Variants in PSD3 observed in about 807,000 individuals in gnomAD.
The protein encoded by PSD3 is PH and SEC7 domain-containing protein 3.
In PSD3, 49 loss-of-function variants were observed where a neutral mutation model predicts 105.5. The ratio of observed to expected loss-of-function variants is 0.46; its 90% CI spans 0.37 to 0.59. The LOEUF is 0.59. Ranked by LOEUF, PSD3 falls within the 20% of genes least tolerant of loss-of-function variation. The probability of loss-of-function intolerance (pLI) is 0.00; values close to 1 mark genes in which losing one functional copy is unlikely to be tolerated. For missense variants in PSD3, 1,561 were observed against 1,263.8 expected, an observed-to-expected ratio of 1.24 and a Z score of -3.57; for synonymous variants, 557 against 457.8, an observed-to-expected ratio of 1.22 and a Z score of -2.77.
At chr8:18,559,970 G>T (rs1046055281) in intron 14 of PSD3, among the ~76,000 whole-genome samples, 5 of 152,144 alleles carry the variant, frequency 3.3e-5, no homozygotes, top group African/African-American at 1.2e-4. Flanking sequence ...GATGTTCAAT[G>T]AGAAATGCTT....
At chr8:18,746,012 C>T (rs1326119182) in intron 9 of PSD3, among the ~76,000 whole-genome samples, 1 of 152,238 alleles carries the variant, frequency 6.6e-6, no homozygotes, top group Non-Finnish European at 1.5e-5. Flanking sequence ...CAAAATCCTA[C>T]CTTCAGGCCA....
At chr8:19,018,807 T>C (rs79805738) in intron 1 of PSD3, among the ~76,000 whole-genome samples, 2,482 of 152,322 alleles carry the variant, frequency 0.016, 58 homozygotes, top group Non-Finnish European at 0.024. Context: ...AAGTTTCTTT[T>C]CTGTTTTGAG....
intron 1 of PSD3, among the ~76,000 whole-genome samples, chr8:18,944,666 C>T (rs565834101): frequency 1.2e-4 from 18 of 152,060 alleles, no homozygotes; most frequent in Non-Finnish European, 1.9e-4. Flanking sequence ...CGAATTATTA[C>T]GCTGTGGAAA....
chr8:18,786,783 A>G (rs1348597850), intron 8 of PSD3: 1 of 152,238 alleles, frequency 6.6e-6, no homozygotes. Context: ...ATGCTTGACT[A>G]GCTGAAGTTG....
intron 14 of PSD3, among the ~76,000 whole-genome samples, chr8:18,562,872 G>C (rs910373910): frequency 6.6e-6 from 1 of 151,802 alleles, no homozygotes; most frequent in African/African-American, 2.4e-5. Flanking sequence ...CTGGGCGACA[G>C]AGTGAGACTC....
At chr8:18,600,219 T>G in intron 12 of PSD3, 145 bp downstream of exon 12, 1 of 722,696 alleles carries the variant, frequency 1.4e-6, no homozygotes, top group Non-Finnish European at 2.3e-6. Context: ...ATTTCTGGAA[T>G]TCTCCGCTGA....
At chr8:18,645,134 T>C (rs1807937899) in intron 10 of PSD3, among the ~76,000 whole-genome samples, 1 of 152,252 alleles carries the variant, frequency 6.6e-6, no homozygotes. Context: ...TTTTCCCTTA[T>C]GACCTAACAG....
intron 4 of PSD3, among the ~76,000 whole-genome samples, chr8:18,845,906 C>G (rs780490220): frequency 5.0e-4 from 76 of 152,198 alleles, no homozygotes; most frequent in Admixed American, 2.0e-3. Context: ...CTTTATATTT[C>G]TTGACCAATA....
chr8:18,735,041 G>A (rs1299404739), intron 9 of PSD3, among the ~76,000 whole-genome samples: 1 of 152,136 alleles, frequency 6.6e-6, no homozygotes, highest in Non-Finnish European at 1.5e-5. Flanking sequence ...ATACGCCGAG[G>A]ACCACTCATG....
intron 1 of PSD3, among the ~76,000 whole-genome samples, chr8:18,993,082 T>C (rs999396526): frequency 1.3e-5 from 2 of 152,202 alleles, no homozygotes; most frequent in Non-Finnish European, 2.9e-5. Context: ...GGGAGTGACA[T>C]AGCCTCTGTC....
chr8:18,548,812 G>C (rs1196442239), intron 15 of PSD3, among the ~76,000 whole-genome samples: 1 of 152,150 alleles, frequency 6.6e-6, no homozygotes, highest in Non-Finnish European at 1.5e-5. Context: ...GACCACCTGG[G>C]GGAAAGGATC....
chr8:18,808,558 A>T (rs1466447012), intron 4 of PSD3, among the ~76,000 whole-genome samples: 1 of 152,178 alleles, frequency 6.6e-6, no homozygotes, highest in Admixed American at 6.5e-5. Flanking sequence ...ATAATTGCAA[A>T]ATCTGTGTGC....
intron 4 of PSD3, among the ~76,000 whole-genome samples, chr8:18,859,120 T>C (rs1345853840): frequency 1.3e-5 from 2 of 152,148 alleles, no homozygotes; most frequent in African/African-American, 2.4e-5. Flanking sequence ...GATATTGTGT[T>C]GGCGGGCATT....
At chr8:19,042,672 A>G (rs1198223455) in intron 1 of PSD3, among the ~76,000 whole-genome samples, 1 of 152,224 alleles carries the variant, frequency 6.6e-6, no homozygotes, top group Non-Finnish European at 1.5e-5. Flanking sequence ...AACTGAATTC[A>G]AAATAACTGA....
chr8:18,959,981 A>T (rs1184865889), intron 1 of PSD3, among the ~76,000 whole-genome samples: 1 of 152,202 alleles, frequency 6.6e-6, no homozygotes, highest in Non-Finnish European at 1.5e-5. Flanking sequence ...CCTTGTTTTC[A>T]AAGCACAGTA....
At chr8:18,831,142 A>G (rs1813648291) in intron 4 of PSD3, among the ~76,000 whole-genome samples, 1 of 152,208 alleles carries the variant, frequency 6.6e-6, no homozygotes, top group South Asian at 2.1e-4. Flanking sequence ...TAAGTGCATA[A>G]AATAGGGCAG....
chr8:18,720,529 T>C (rs1003031030), intron 9 of PSD3, among the ~76,000 whole-genome samples: 3 of 152,156 alleles, frequency 2.0e-5, no homozygotes, highest in Admixed American at 6.5e-5. Context: ...CAATTAACAA[T>C]TGGCAAGAAT....
chr8:18,601,570 T>C lies in PSD3; in HGVS notation c.2411-1136A>G, dbSNP rs911464571. 3.9e-5 allele frequency among the ~76,000 whole-genome samples: 6 copies of C among 152,328 alleles called. No homozygotes were observed. The Middle Eastern group carries it at 0.01, about 259-fold the overall frequency. On this transcript the variant is annotated intron_variant, in intron 11 of 15. Transcript: ENST00000327040. ...CAATCCTGCCAACACCATGCTGAGA[T>C]ATCCACCTGGCAAGAAAGGATTCAA...
intron 9 of PSD3, among the ~76,000 whole-genome samples, chr8:18,723,387 G>C (rs761833504): frequency 1.1e-4 from 16 of 152,060 alleles, no homozygotes; most frequent in Non-Finnish European, 1.8e-4. Context: ...TTTCATTTTT[G>C]CATTCATCAT....
Sources: allele counts gnomAD v4.1 joint callset (sites outside exome capture counted in the v4.1 genomes callset), GRCh38; gene constraint gnomAD v4.1.1; transcripts MANE v1.5; gene names NCBI Gene and HGNC (gene_info 2026-07-23, HGNC 2026-07-21).